Variants in KIAA2012 observed in about 807,000 individuals in gnomAD.
The protein encoded by KIAA2012 is KIAA2012, also known as uncharacterized protein KIAA2012.
A neutral mutation model predicts 150.6 loss-of-function variants in KIAA2012; 125 were observed. The observed-to-expected ratio is 0.83, with a 90% CI of 0.72 to 0.96. KIAA2012 has a LOEUF of 0.96. Ranked by LOEUF, KIAA2012 falls within the 40% of genes least tolerant of loss-of-function variation. The pLI, the probability that KIAA2012 is intolerant of heterozygous loss-of-function variation, is 0.00. For synonymous variants in KIAA2012, 462 were observed against 504.7 expected (o/e 0.92, Z 1.13); for missense variants, 1,219 against 1,354.9 (o/e 0.90, Z 1.57).
At chr2:202,194,052 C>T in intron 20 of KIAA2012, 138 bp from the exon 21 acceptor site, 1 of 914,392 alleles carries the variant, frequency 1.1e-6, no homozygotes, top group African/African-American at 1.7e-5. Flanking sequence ...CCTTGGAAAA[C>T]TGAGTCTCCT....
chr2:202,098,625 G>T (rs1043011288), intron 5 of KIAA2012, among the ~76,000 whole-genome samples: 1 of 152,058 alleles, frequency 6.6e-6, no homozygotes, highest in African/African-American at 2.4e-5. Context: ...CCTTGTTTTG[G>T]GTCCTGCTTT....
intron 12 of KIAA2012, among the ~76,000 whole-genome samples, chr2:202,131,223 T>G (rs1228787638): frequency 1.3e-5 from 2 of 152,196 alleles, no homozygotes; most frequent in Non-Finnish European, 2.9e-5. Context: ...CACTGCAACC[T>G]CTGTCTCCCG....
intron 15 of KIAA2012, among the ~76,000 whole-genome samples, chr2:202,183,474 A>T (rs1413724139): frequency 3.1e-5 from 3 of 97,486 alleles, no homozygotes; most frequent in Non-Finnish European, 4.0e-5. Context: ...GGGGTTTTTT[A>T]AATTTTTTTT....
Position 202,109,799 on chromosome 2 carries a change from C to G in KIAA2012, c.1651+10C>G. On this transcript the variant is annotated intron_variant, in intron 10 of 23. Transcript: ENST00000498697. Reference sequence around the variant, plus strand: ...CTGCCAGCAGCTCAAGGTAATCATTCCCAGAGTGCATAGACGCCCCCCACT... The same window carrying G: ...CTGCCAGCAGCTCAAGGTAATCATTGCCAGAGTGCATAGACGCCCCCCACT... 5 of 1,538,674 alleles carry G rather than the reference C, an allele frequency of 3.2e-6. No individual in the cohort carries two copies. Among genetic ancestry groups the G allele is most frequent in the Non-Finnish European group, 4.4e-6 (5 of 1,142,178 alleles).
chr2:202,127,209 T>G (rs920003076), intron 12 of KIAA2012, among the ~76,000 whole-genome samples: 1 of 152,224 alleles, frequency 6.6e-6, no homozygotes, highest in African/African-American at 2.4e-5. Flanking sequence ...AACCAAAATA[T>G]TCTTTCTAAT....
At chr2:202,203,220 TATCTG>T (rs1009938416) in intron 23 of KIAA2012, among the ~76,000 whole-genome samples, 4 of 152,236 alleles carry the variant, frequency 2.6e-5, no homozygotes, top group Non-Finnish European at 5.9e-5. Context: ...TCAGTCAATG[TATCTG>T]AAAGAGTTTA....
chr2:202,091,931 C>A (rs1217599565), intron 3 of KIAA2012, among the ~76,000 whole-genome samples: 1 of 152,180 alleles, frequency 6.6e-6, no homozygotes, highest in Non-Finnish European at 1.5e-5. Context: ...TGGGCTCCTC[C>A]AGTCATTGGT....
chr2:202,081,569 C>T (rs1216059512), intron 2 of KIAA2012, among the ~76,000 whole-genome samples: 23 of 133,508 alleles, frequency 1.7e-4, no homozygotes, highest in Admixed American at 1.5e-3. Context: ...TTTTTGCTGA[C>T]GGAGTTTCGC....
chr2:202,075,088 C>A lies in KIAA2012; in HGVS notation c.282C>A (p.Cys94Ter). 1 of 1,550,530 alleles carries A rather than the reference C, an allele frequency of 6.4e-7. No individual in the cohort carries two copies. The highest frequency in any genetic ancestry group is 8.7e-7 in the Non-Finnish European group (1 of 1,146,998). Residue 94 changes from cysteine (C) to a stop codon, truncating the protein, a stop_gained, in exon 2 of 24, where the codon TGC (cysteine) becomes TGA (stop). Coordinates refer to ENST00000498697, the MANE Select transcript of KIAA2012 (RefSeq NM_001277372.4). LOFTEE classifies it high-confidence loss of function. ...AAGAGAGGAGAAAAGGCCCCTACTGCCCCAGAGGTCCCTGGAGGAAGCTGG... is the reference window on the plus strand; with the variant it reads ...AAGAGAGGAGAAAAGGCCCCTACTGACCCAGAGGTCCCTGGAGGAAGCTGG... ...TPKERRKGPY[C>*]PRGPWRKLDL...
At chr2:202,194,511 ATGACT>A in intron 21 of KIAA2012, 149 bp downstream of exon 21, 1 of 613,002 alleles carries the variant, frequency 1.6e-6, no homozygotes, top group Admixed American at 5.0e-5. Flanking sequence ...GTGATTATGT[ATGACT>A]ATAATTTGTT....
intron 14 of KIAA2012, among the ~76,000 whole-genome samples, chr2:202,160,548 C>T (rs930605898): frequency 3.9e-5 from 6 of 152,162 alleles, no homozygotes; most frequent in South Asian, 2.1e-4. Flanking sequence ...CTCCTGACCT[C>T]GTGATCCGCC....
chr2:202,100,059 T>C (rs1206449249), intron 6 of KIAA2012, among the ~76,000 whole-genome samples: 1 of 152,220 alleles, frequency 6.6e-6, no homozygotes, highest in East Asian at 1.9e-4. Context: ...TAACCAATAT[T>C]GCTGATGCTC....
chr2:202,119,482 T>G (rs1690607399), intron 11 of KIAA2012, among the ~76,000 whole-genome samples: 1 of 152,180 alleles, frequency 6.6e-6, no homozygotes, highest in South Asian at 2.1e-4. Flanking sequence ...AAGAGGGAAC[T>G]TAGGCATCAC....
chr2:202,132,791 T>TAC (rs2105941227), intron 12 of KIAA2012, among the ~76,000 whole-genome samples: 1 of 73,310 alleles, frequency 1.4e-5, no homozygotes, highest in African/African-American at 5.5e-5. Context: ...TATATGCGTA[T>TAC]ATATATATAT....
At chr2:202,081,255 C>T (rs1025148708) in intron 2 of KIAA2012, among the ~76,000 whole-genome samples, 1 of 152,216 alleles carries the variant, frequency 6.6e-6, no homozygotes. Context: ...CTTCCATCAA[C>T]AGACACTTAA....
At chr2:202,087,334 G>T (rs1016750353) in intron 2 of KIAA2012, among the ~76,000 whole-genome samples, 3 of 151,922 alleles carry the variant, frequency 2.0e-5, no homozygotes, top group Non-Finnish European at 2.9e-5. Context: ...CCAACATGGT[G>T]AAACCCTGTC....
intron 15 of KIAA2012, among the ~76,000 whole-genome samples, chr2:202,171,778 T>G (rs1245700249): frequency 6.6e-6 from 1 of 151,746 alleles, no homozygotes; most frequent in African/African-American, 2.4e-5. Context: ...ACTTTTTAAT[T>G]GATACTGTTT....
intron 15 of KIAA2012, among the ~76,000 whole-genome samples, chr2:202,177,363 G>C (rs1185551790): frequency 6.6e-6 from 1 of 152,114 alleles, no homozygotes; most frequent in Middle Eastern, 3.2e-3. Flanking sequence ...GAGGGAAATG[G>C]GATTATATGT....
At chr2:202,094,621 G>A (rs1432856923) in intron 4 of KIAA2012, among the ~76,000 whole-genome samples, 2 of 152,036 alleles carry the variant, frequency 1.3e-5, no homozygotes, top group Admixed American at 1.3e-4. Flanking sequence ...CTGGGCTCAA[G>A]CAATCCTCCC....
Sources: allele counts gnomAD v4.1 joint callset (sites outside exome capture counted in the v4.1 genomes callset), GRCh38; gene constraint gnomAD v4.1.1; transcripts MANE v1.5; gene names NCBI Gene and HGNC (gene_info 2026-07-23, HGNC 2026-07-21).